BSDC1: variants seen among roughly 807,000 people sequenced by gnomAD.
The protein encoded by BSDC1 is BSD domain containing 1, also known as BSD domain-containing protein 1.
A neutral mutation model predicts 56.0 loss-of-function variants in BSDC1; 29 were observed. The ratio of observed to expected loss-of-function variants is 0.52; its 90% CI spans 0.39 to 0.71. The LOEUF (loss-of-function observed/expected upper bound fraction) is 0.71, where lower values mean the gene tolerates loss of function less well. BSDC1 is among the 30% of genes least tolerant of loss of function. The probability of loss-of-function intolerance (pLI) is 0.00; values close to 1 mark genes in which losing one functional copy is unlikely to be tolerated. For missense variants in BSDC1, 477 were observed against 548.5 expected (o/e 0.87, Z 1.30); for synonymous variants, 210 against 215.3 (o/e 0.98, Z 0.21).
intron 5 of BSDC1, among the ~76,000 whole-genome samples, chr1:32,380,797 T>A (rs537317896): frequency 1.3e-5 from 2 of 152,348 alleles, no homozygotes; most frequent in South Asian, 4.1e-4. Context: ...TTCTACTTTA[T>A]TGACTGTTTC....
chr1:32,375,861 G>C (rs907103722), intron 9 of BSDC1, among the ~76,000 whole-genome samples: 3 of 152,194 alleles, frequency 2.0e-5, no homozygotes, highest in African/African-American at 7.2e-5. Flanking sequence ...GCATGGGCTT[G>C]GAGTCAGACA....
intron 9 of BSDC1, among the ~76,000 whole-genome samples, chr1:32,370,382 TGTGA>T (rs1384130428): frequency 1.1e-4 from 16 of 152,214 alleles, no homozygotes; most frequent in Non-Finnish European, 1.9e-4. Flanking sequence ...ATATAAGCCC[TGTGA>T]GTGCCAGGAT....
rs907704171 is a variant in BSDC1 at position 32,389,496 on chromosome 1, C to T, written c.73-2601G>A. On this transcript the variant is annotated intron_variant, in intron 2 of 10. Coordinates refer to ENST00000455895, the MANE Select transcript of BSDC1 (RefSeq NM_018045.8). The stretch of plus-strand genomic sequence containing the variant: ...CTCTGAGCAGACAAACATGAACATA[C>T]GTTGCCCTCAAGCAGGTCACAGTCT... 9.9e-5 allele frequency among the ~76,000 whole-genome samples: 15 copies of T among 152,182 alleles called. No individual in the cohort carries two copies. In the South Asian group the frequency reaches 1.2e-3, roughly 13 times the overall value.
intron 9 of BSDC1, among the ~76,000 whole-genome samples, chr1:32,375,710 C>T (rs932202805): frequency 2.0e-5 from 3 of 152,112 alleles, no homozygotes; most frequent in Non-Finnish European, 2.9e-5. Flanking sequence ...TTCATAATAA[C>T]GAAGGCTTGG....
chr1:32,366,760 C>T, intron 10 of BSDC1, 106 bp from the exon 11 acceptor site: 1 of 1,435,660 alleles, frequency 7.0e-7, no homozygotes, highest in Non-Finnish European at 9.2e-7. Context: ...CATCCCCTAC[C>T]CCAGGCCATA....
At chr1:32,393,030 C>T (rs954221671) in intron 2 of BSDC1, among the ~76,000 whole-genome samples, 6 of 152,210 alleles carry the variant, frequency 3.9e-5, no homozygotes, top group Non-Finnish European at 1.5e-5. Flanking sequence ...CACCTGTGCA[C>T]TCCAGCCTAG....
chr1:32,366,887 C>T, intron 10 of BSDC1: 1 of 1,251,184 alleles, frequency 8.0e-7, no homozygotes. Flanking sequence ...CTAAAGGAAA[C>T]ACTTCCCCCA....
chr1:32,368,752 G>A (rs546640966), intron 9 of BSDC1, among the ~76,000 whole-genome samples: 1 of 152,116 alleles, frequency 6.6e-6, no homozygotes, highest in Non-Finnish European at 1.5e-5. Context: ...AGGCTGGAGT[G>A]CAGTGGTGTG....
intron 8 of BSDC1, among the ~76,000 whole-genome samples, chr1:32,377,144 A>G (rs943874842): frequency 6.6e-6 from 1 of 152,120 alleles, no homozygotes; most frequent in Non-Finnish European, 1.5e-5. Flanking sequence ...TCAAAACGAA[A>G]AAAAAAAGAC....
chr1:32,374,182 A>T (rs558104882), intron 9 of BSDC1, among the ~76,000 whole-genome samples: 1 of 152,230 alleles, frequency 6.6e-6, no homozygotes, highest in Non-Finnish European at 1.5e-5. Context: ...TATGCATATT[A>T]CTGTGCATAT....
chr1:32,376,772 G>A lies in BSDC1; in HGVS notation c.677-31C>T, dbSNP rs764123404. ...GAGAGAGAAAGGGAGGGGCAAGAGG[G>A]AAATGTAACCTGGCCAGCCATAAGA... is the stretch of plus-strand genomic sequence containing the variant. On this transcript the variant is annotated intron_variant, in intron 8 of 10. Coordinates refer to ENST00000455895, the MANE Select transcript of BSDC1 (RefSeq NM_018045.8). 5.2e-6 allele frequency: 7 copies of A among 1,336,144 alleles called. No individual in the cohort carries two copies. In the South Asian group the frequency reaches 1.1e-4, roughly 21 times the overall value. 82.8% of individuals were successfully genotyped at this position (1,336,144 alleles called of 1,614,324 possible).
intron 9 of BSDC1, among the ~76,000 whole-genome samples, chr1:32,372,394 G>A (rs1227881886): frequency 6.6e-6 from 1 of 152,192 alleles, no homozygotes; most frequent in African/African-American, 2.4e-5. Context: ...CTAACCTCAG[G>A]TTGCCCTCTA....
intron 9 of BSDC1, among the ~76,000 whole-genome samples, chr1:32,375,877 G>A (rs1001422779): frequency 3.3e-5 from 5 of 152,144 alleles, no homozygotes; most frequent in African/African-American, 1.2e-4. Flanking sequence ...AGACAGCCCT[G>A]GGTCTGAATC....
At chr1:32,391,015 A>C (rs1331102723) in intron 2 of BSDC1, among the ~76,000 whole-genome samples, 1 of 151,962 alleles carries the variant, frequency 6.6e-6, no homozygotes, top group Admixed American at 6.6e-5. Context: ...AAGTGGACAG[A>C]GCAATGGGCT....
At chr1:32,369,105 C>A (rs1641971791) in intron 9 of BSDC1, 5 of 404,076 alleles carry the variant, frequency 1.2e-5, no homozygotes, top group South Asian at 6.4e-5. Flanking sequence ...TAGAAACAAT[C>A]TGAAAGCCCA....
At chr1:32,376,833 C>T (rs1363205050) in intron 8 of BSDC1, 92 bp from the exon 9 acceptor site, 1 of 1,279,506 alleles carries the variant, frequency 7.8e-7, no homozygotes, top group East Asian at 2.8e-5. Flanking sequence ...CCAAAGTGTA[C>T]TCTGATCAAG....
chr1:32,377,325 T>G (rs1014211266), intron 8 of BSDC1, among the ~76,000 whole-genome samples: 5 of 152,200 alleles, frequency 3.3e-5, no homozygotes, highest in Non-Finnish European at 7.3e-5. Context: ...GAGTCAGTTT[T>G]GGGTTCAGGT....
rs1642368886 is a variant in BSDC1 at position 32,378,362 on chromosome 1, CCCAG to C, written c.529-83_529-80del. 7 of 1,405,634 alleles carry C rather than the reference CCCAG, an allele frequency of 5.0e-6. No individual in the cohort carries two copies. The highest frequency in any genetic ancestry group is 4.7e-5 in the South Asian group (4 of 84,806). The allele number at this position is 1,405,634 out of a possible 1,614,324, so 87.1% of individuals were successfully genotyped here. A position where few individuals can be genotyped will look rare whatever the true frequency, so the allele number is the denominator to read the frequency against. ...GTGTCCCCAGCCTTATCAGTCTATT[CCCAG>C]CCAGTCTGGATTTCAGACCCAGTAA... On this transcript the variant is annotated intron_variant, in intron 6 of 10. Transcript: ENST00000455895. This position sits in a 1 kb window ranked among gnomAD's most constrained non-coding sequence, Gnocchi z 5.2.
intron 5 of BSDC1, among the ~76,000 whole-genome samples, chr1:32,380,048 TTGG>T (rs1642429032): frequency 6.6e-6 from 1 of 152,120 alleles, no homozygotes; most frequent in African/African-American, 2.4e-5. Context: ...CACAAAAAGT[TTGG>T]TGGAGAGAGG....
Sources: allele counts gnomAD v4.1 joint callset (sites outside exome capture counted in the v4.1 genomes callset), GRCh38; gene constraint gnomAD v4.1.1; non-coding constraint Gnocchi (gnomAD v3.1); transcripts MANE v1.5; gene names NCBI Gene and HGNC (gene_info 2026-07-23, HGNC 2026-07-21).